The following CYP2R1 variants were observed in gnomAD, a reference collection of about 807,000 sequenced individuals.
CYP2R1 encodes vitamin D 25-hydroxylase.
Under a neutral mutation model 45.7 loss-of-function variants are expected in CYP2R1, and 40 were observed. The ratio of observed to expected loss-of-function variants is 0.87; its 90% CI spans 0.68 to 1.14. CYP2R1 has a LOEUF of 1.14. CYP2R1 is among the 50% of genes most tolerant of loss of function. The pLI is 0.00. For synonymous variants in CYP2R1, 234 were observed against 219.3 expected, an observed-to-expected ratio of 1.07 and a Z score of -0.59; for missense variants, 605 against 602.6, an observed-to-expected ratio of 1.00 and a Z score of -0.04.
chr11:14,880,291 T>C lies in CYP2R1; in HGVS notation c.845A>G (p.Asp282Gly). The C allele has an allele frequency of 2.5e-6, 4 of 1,613,272 alleles. No homozygotes were observed. Among genetic ancestry groups the C allele is most frequent in the Non-Finnish European group, 3.4e-6 (4 of 1,179,524 alleles). Residue 282 changes from aspartate (D) to glycine (G), a missense_variant, in exon 3 of 5, where the codon GAT becomes GGT. Transcript: ENST00000334636. ...LPQHFVDAYLDEMDQGKNDPS... is the reference protein window; with the variant it reads ...LPQHFVDAYLGEMDQGKNDPS... Reference sequence around the variant, plus strand: ...GTCATTTTTACCTTGATCCATCTCATCTAAATAAGCATCAACAAAATGCTG... The same window carrying C: ...GTCATTTTTACCTTGATCCATCTCACCTAAATAAGCATCAACAAAATGCTG...
intron 1 of CYP2R1, chr11:14,891,367 C>G (rs1212860888): frequency 2.0e-6 from 2 of 985,468 alleles, no homozygotes; most frequent in African/African-American, 3.5e-5. Context: ...GCATTACCAT[C>G]TGCGCTGTAG....
At chr11:14,885,013 C>T (rs1555013919) in intron 2 of CYP2R1, among the ~76,000 whole-genome samples, 1 of 152,054 alleles carries the variant, frequency 6.6e-6, no homozygotes. Flanking sequence ...AGTTCATTTC[C>T]TTTGTGATGT....
At position 14,880,461 on chromosome 11, in the gene CYP2R1, T is replaced by C; in HGVS notation, c.675A>G (p.Ser225=). The C allele has an allele frequency of 6.2e-7, 1 of 1,613,470 alleles. No individual in the cohort carries two copies. Among genetic ancestry groups the C allele is most frequent in the Non-Finnish European group, 8.5e-7 (1 of 1,179,704 alleles). The change falls in exon 3 of 5, where the codon TCA becomes TCG. Residue 225 remains serine, a synonymous_variant. Coordinates refer to ENST00000334636, the MANE Select transcript of CYP2R1 (RefSeq NM_024514.5). ...ATGGAAAGGCATTATACAAGAAGAC[T>C]GAGGCACTGGCAGCTAGTTCCACAT... The part of the protein sequence containing the change: ...SENVELAASA[S]VFLYNAFPWI...
intron 1 of CYP2R1, chr11:14,886,175 G>C: frequency 2.1e-6 from 1 of 476,988 alleles, no homozygotes; most frequent in Non-Finnish European, 3.8e-6. Flanking sequence ...CTGGACTCGG[G>C]AGGCCTGGGT....
chr11:14,892,347 C>T (rs1848896137), upstream of CYP2R1: 2 of 775,122 alleles, frequency 2.6e-6, no homozygotes, highest in African/African-American at 3.5e-5. Flanking sequence ...AGCGCTCAGG[C>T]CCCTTCGGGA....
At position 14,879,297 on chromosome 11, in the gene CYP2R1, T is replaced by C. The variant is rs112229807; in HGVS notation, c.1147A>G (p.Thr383Ala). ...CCACGTACAACTGCATCTTCAGAGG[T>C]TGCATGGAAAATCCCTAATGGAACT... ...NIVPLGIFHATSEDAVVRGYS... is the reference protein window; with the variant it reads ...NIVPLGIFHAASEDAVVRGYS... Residue 383 changes from threonine to alanine, a missense_variant, in exon 4 of 5, where the codon ACC becomes GCC. Thr to Ala is a moderately conservative substitution (Grantham distance 58). Transcript: ENST00000334636. 318 of 1,613,252 alleles carry C rather than the reference T, an allele frequency of 2.0e-4. 1 individual carries two copies. In the African/African-American group the frequency reaches 3.6e-3, roughly 18 times the overall value.
chr11:14,881,335 T>G (rs1177340763), intron 2 of CYP2R1, among the ~76,000 whole-genome samples: 1 of 152,062 alleles, frequency 6.6e-6, no homozygotes, highest in Non-Finnish European at 1.5e-5. Context: ...AACATGAAGC[T>G]CAAACTTTTC....
At position 14,878,100 on chromosome 11, in the gene CYP2R1, C is replaced by T. The variant is rs1555010199; in HGVS notation, c.*22G>A. The stretch of plus-strand genomic sequence containing the variant: ...GATAAGGCAAATATACATTCTTGTT[C>T]CCGAAAACATCCCAGGCAGTTTCAG... On this transcript the variant is annotated 3_prime_UTR_variant, in exon 5 of 5. Coordinates refer to ENST00000334636, the MANE Select transcript of CYP2R1 (RefSeq NM_024514.5). 2.5e-6 allele frequency: 4 copies of T among 1,612,192 alleles called. No homozygotes were observed. The highest frequency in any genetic ancestry group is 3.4e-6 in the Non-Finnish European group (4 of 1,178,888).
chr11:14,878,191 T>C lies in CYP2R1; in HGVS notation c.1437A>G (p.Pro479=). 3 of 1,613,284 alleles carry C rather than the reference T, an allele frequency of 1.9e-6. No homozygotes were observed. Among genetic ancestry groups the C allele is most frequent in the Non-Finnish European group, 2.5e-6 (3 of 1,179,534 alleles). Residue 479 remains proline (P), a synonymous_variant, in exon 5 of 5, where the codon CCA becomes CCG. Coordinates refer to ENST00000334636, the MANE Select transcript of CYP2R1 (RefSeq NM_024514.5). ...FHLHFPHELV[P]DLKPRLGMTL... Reference sequence around the variant, plus strand: ...TCATGCCTAACCTGGGCTTCAGATCTGGAACTAGTTCATGTGGAAAATGCA... The same window carrying C: ...TCATGCCTAACCTGGGCTTCAGATCCGGAACTAGTTCATGTGGAAAATGCA...
At chr11:14,886,493 C>A (rs1174793627) in intron 1 of CYP2R1, 2 of 154,010 alleles carry the variant, frequency 1.3e-5, no homozygotes, top group African/African-American at 2.4e-5. Flanking sequence ...GGGAACCTAA[C>A]CTTGGAGGAA....
intron 1 of CYP2R1, among the ~76,000 whole-genome samples, chr11:14,889,402 C>T (rs1421163546): frequency 6.6e-6 from 1 of 152,000 alleles, no homozygotes; most frequent in Non-Finnish European, 1.5e-5. Context: ...TGTTTCATAC[C>T]AGGATAAAGA....
upstream of CYP2R1, chr11:14,892,237 A>C (rs1000329191): frequency 1.3e-6 from 2 of 1,593,230 alleles, no homozygotes; most frequent in Non-Finnish European, 1.7e-6. Flanking sequence ...ACTCCACAGC[A>C]GCCCTGAGAC....
intron 2 of CYP2R1, among the ~76,000 whole-genome samples, chr11:14,883,381 A>T (rs1238091801): frequency 6.6e-6 from 1 of 152,224 alleles, no homozygotes; most frequent in Non-Finnish European, 1.5e-5. Context: ...ATAATGCCGC[A>T]TATCTACAAC....
Position 14,879,448 on chromosome 11 carries a change from C to G in CYP2R1, c.1001-5G>C, listed in dbSNP as rs782338771. 8.8e-6 allele frequency: 14 copies of G among 1,594,834 alleles called. No individual in the cohort carries two copies. The Admixed American group carries it at 1.7e-4, about 19-fold the overall frequency. On this transcript the variant is annotated splice_polypyrimidine_tract_variant and splice_region_variant and intron_variant, in intron 3 of 4. Coordinates refer to ENST00000334636, the MANE Select transcript of CYP2R1 (RefSeq NM_024514.5). The stretch of plus-strand genomic sequence containing the variant: ...CAATCTCTTTCTGAACTTGTCCTGT[C>G]AGAGAAAAAGTATTCAAGTTATTAT...
chr11:14,884,680 A>G (rs1288937501), intron 2 of CYP2R1, among the ~76,000 whole-genome samples: 1 of 152,074 alleles, frequency 6.6e-6, no homozygotes, highest in Non-Finnish European at 1.5e-5. Context: ...TTAAAGTATA[A>G]TAATAATTTA....
intron 2 of CYP2R1, among the ~76,000 whole-genome samples, chr11:14,881,559 G>C (rs149969331): frequency 2.0e-5 from 3 of 152,216 alleles, no homozygotes; most frequent in African/African-American, 7.2e-5. Context: ...CCCAATGTTG[G>C]AGGTGGGGCA....
At chr11:14,880,840 T>G (rs1233534194) in intron 2 of CYP2R1, 72 bp from the exon 3 acceptor site, 1 of 1,434,694 alleles carries the variant, frequency 7.0e-7, no homozygotes, top group East Asian at 2.5e-5. Flanking sequence ...GAACAAAATT[T>G]TTTTAATGGA....
intron 3 of CYP2R1, among the ~76,000 whole-genome samples, chr11:14,879,904 T>C (rs1456021272): frequency 6.6e-6 from 1 of 152,134 alleles, no homozygotes; most frequent in African/African-American, 2.4e-5. Flanking sequence ...AGACACACAG[T>C]GTTTTTTCTC....
At chr11:14,891,853 G>A in intron 1 of CYP2R1, 128 bp downstream of exon 1, 1 of 1,414,776 alleles carries the variant, frequency 7.1e-7, no homozygotes, top group Non-Finnish European at 9.4e-7. Flanking sequence ...GTCCCTCAAA[G>A]GGCAGCCGGC....
Sources: allele counts gnomAD v4.1 joint callset (sites outside exome capture counted in the v4.1 genomes callset), GRCh38; gene constraint gnomAD v4.1.1; transcripts MANE v1.5; gene names NCBI Gene and HGNC (gene_info 2026-07-23, HGNC 2026-07-21).